Variants in KIAA1328 observed in about 807,000 individuals in gnomAD.
The protein encoded by KIAA1328 is KIAA1328.
In KIAA1328, 52 loss-of-function variants were observed where a neutral mutation model predicts 68.1. The observed-to-expected ratio is 0.76, with a 90% CI of 0.61 to 0.96. KIAA1328 has a LOEUF of 0.96. KIAA1328 is among the 40% of genes least tolerant of loss of function. The pLI, the probability that KIAA1328 is intolerant of heterozygous loss-of-function variation, is 0.00. For missense variants in KIAA1328, 641 were observed against 677.6 expected (o/e 0.95, Z 0.60); for synonymous variants, 232 against 239.4 (o/e 0.97, Z 0.28).
rs781514481 is a variant in KIAA1328, at chr18:37,225,218, G to A, written c.*2991G>A. On this transcript the variant is annotated 3_prime_UTR_variant, in exon 10 of 10. Transcript: ENST00000280020. The stretch of plus-strand genomic sequence containing the variant: ...TGCTAAGAGAGATGGAGGCTGTGGC[G>A]GACTCCTTCCAACTCACGATTTATC... 129 of 985,254 alleles carry A rather than the reference G, an allele frequency of 1.3e-4. No homozygotes were observed. The highest frequency in any genetic ancestry group is 1.5e-4 in the Non-Finnish European group (124 of 829,924). The allele number at this position is 985,254 out of a possible 1,614,324, so 61.0% of individuals were successfully genotyped here.
chr18:36,849,670 A>C (rs1412352553), intron 4 of KIAA1328, among the ~76,000 whole-genome samples: 1 of 152,054 alleles, frequency 6.6e-6, no homozygotes. Context: ...TTTAAACTAC[A>C]TGAATATTTG....
intron 7 of KIAA1328, among the ~76,000 whole-genome samples, chr18:37,071,825 A>G (rs2056544853): frequency 6.6e-6 from 1 of 152,196 alleles, no homozygotes; most frequent in Non-Finnish European, 1.5e-5. Context: ...ATCAGTTTAA[A>G]TTAAATGTAG....
At position 36,981,723 on chromosome 18, in the gene KIAA1328, A is replaced by T. The variant is rs1289398622; in HGVS notation, c.576+22288A>T. Among the ~76,000 whole-genome samples, 15 of 148,036 alleles carry T rather than the reference A, an allele frequency of 1.0e-4. No individual in the cohort carries two copies. The Admixed American group carries it at 1.0e-3, about 10-fold the overall frequency. On this transcript the variant is annotated intron_variant, in intron 6 of 9. Transcript: ENST00000280020. ...TGTCTCAGCCTCTCAAGTAACTGGG[A>T]CTCCTGGTGCACAACACGACACCTG... is the stretch of plus-strand genomic sequence containing the variant.
At chr18:37,145,712 T>G (rs1236776073) in intron 7 of KIAA1328, among the ~76,000 whole-genome samples, 2 of 152,220 alleles carry the variant, frequency 1.3e-5, no homozygotes, top group Non-Finnish European at 2.9e-5. Context: ...ATATTTCTCT[T>G]TATCTCTGGT....
chr18:37,067,763 T>C (rs1191122152), intron 7 of KIAA1328, among the ~76,000 whole-genome samples: 1 of 152,096 alleles, frequency 6.6e-6, no homozygotes, highest in Admixed American at 6.5e-5. Context: ...TTTCACTGTC[T>C]TGGCCAGGCT....
intron 5 of KIAA1328, among the ~76,000 whole-genome samples, chr18:36,909,052 A>G (rs1406970375): frequency 1.3e-5 from 2 of 152,122 alleles, no homozygotes; most frequent in African/African-American, 4.8e-5. Context: ...GGCTTTGAAG[A>G]TTCATATATT....
At chr18:37,093,278 AAT>A (rs772163546) in intron 7 of KIAA1328, among the ~76,000 whole-genome samples, 7 of 152,222 alleles carry the variant, frequency 4.6e-5, no homozygotes, top group Non-Finnish European at 5.9e-5. Context: ...TGAGCACAGT[AAT>A]TCTTCTGGAA....
intron 4 of KIAA1328, among the ~76,000 whole-genome samples, chr18:36,857,633 C>T (rs2047429016): frequency 1.3e-5 from 2 of 152,150 alleles, no homozygotes; most frequent in Admixed American, 6.5e-5. Flanking sequence ...TCATTAAGAA[C>T]TCCCCTGGTT....
At chr18:37,050,984 A>G (rs926593935) in intron 6 of KIAA1328, among the ~76,000 whole-genome samples, 2 of 152,162 alleles carry the variant, frequency 1.3e-5, no homozygotes, top group African/African-American at 2.4e-5. Flanking sequence ...CTCTTTTACA[A>G]ATGACTAAAC....
chr18:37,024,476 C>T (rs1450350676), intron 6 of KIAA1328, among the ~76,000 whole-genome samples: 1 of 151,640 alleles, frequency 6.6e-6, no homozygotes, highest in Non-Finnish European at 1.5e-5. Context: ...GTGCTGCACC[C>T]ATTAACTCAT....
At chr18:36,890,791 T>C (rs1267112132) in intron 5 of KIAA1328, among the ~76,000 whole-genome samples, 1 of 152,146 alleles carries the variant, frequency 6.6e-6, no homozygotes. Flanking sequence ...TGTGGATGAC[T>C]CAACAAAAAA....
chr18:36,985,974 G>A (rs1236371093), intron 6 of KIAA1328, among the ~76,000 whole-genome samples: 1 of 152,162 alleles, frequency 6.6e-6, no homozygotes, highest in African/African-American at 2.4e-5. Context: ...TATCAAGCAA[G>A]GATCTGGAGG....
intron 5 of KIAA1328, among the ~76,000 whole-genome samples, chr18:36,901,537 A>G (rs2049038522): frequency 6.6e-6 from 1 of 151,962 alleles, no homozygotes; most frequent in Non-Finnish European, 1.5e-5. Flanking sequence ...GTTGATTCAG[A>G]TCTTTTTGGC....
chr18:36,831,974 C>T (rs2046508441), intron 1 of KIAA1328, among the ~76,000 whole-genome samples: 1 of 152,046 alleles, frequency 6.6e-6, no homozygotes, highest in African/African-American at 2.4e-5. Flanking sequence ...TTAAACTGTA[C>T]AATTTAACTA....
At chr18:36,894,939 G>A (rs906698162) in intron 5 of KIAA1328, among the ~76,000 whole-genome samples, 1 of 152,070 alleles carries the variant, frequency 6.6e-6, no homozygotes, top group African/African-American at 2.4e-5. Context: ...TCCATTACTA[G>A]TGTCAAGTAA....
intron 6 of KIAA1328, among the ~76,000 whole-genome samples, chr18:36,970,541 A>G (rs2052153089): frequency 6.6e-6 from 1 of 152,202 alleles, no homozygotes. Flanking sequence ...ATATGAGTGT[A>G]TATTTAGAAA....
intron 4 of KIAA1328, among the ~76,000 whole-genome samples, chr18:36,859,636 G>A (rs2047495314): frequency 6.6e-6 from 1 of 150,556 alleles, no homozygotes; most frequent in African/African-American, 2.4e-5. Context: ...TCTTTTTGGG[G>A]ACAGTGCCTC....
intron 6 of KIAA1328, among the ~76,000 whole-genome samples, chr18:37,017,989 T>G (rs1176760477): frequency 6.6e-6 from 1 of 152,220 alleles, no homozygotes; most frequent in Non-Finnish European, 1.5e-5. Flanking sequence ...TATGAGGTTT[T>G]GATCCTATCT....
At chr18:36,901,213 G>T (rs1419643447) in intron 5 of KIAA1328, among the ~76,000 whole-genome samples, 1 of 151,948 alleles carries the variant, frequency 6.6e-6, no homozygotes, top group Non-Finnish European at 1.5e-5. Context: ...ACTTAACCCT[G>T]ATTGTAATAC....
Sources: gnomAD v4.1 joint callset for allele counts (sites outside exome capture counted in the v4.1 genomes callset) on GRCh38, gnomAD v4.1.1 for gene constraint, MANE v1.5 for transcripts, NCBI Gene and HGNC (gene_info 2026-07-23, HGNC 2026-07-21) for gene names.